The following EPHA6 variants were observed in gnomAD, a reference collection of about 807,000 sequenced individuals.
EPHA6 encodes the protein ephrin type-A receptor 6.
EPHA6 carries 50 observed loss-of-function variants against 112.0 expected under a neutral mutation model. The ratio of observed to expected loss-of-function variants is 0.45; its 90% confidence interval spans 0.36 to 0.56. The LOEUF (loss-of-function observed/expected upper bound fraction) is 0.56, where lower values mean the gene tolerates loss of function less well. EPHA6 is among the 20% of genes least tolerant of loss of function. The probability of loss-of-function intolerance (pLI) is 0.00; values close to 1 mark genes in which losing one functional copy is unlikely to be tolerated. For synonymous variants in EPHA6, 529 were observed against 490.7 expected (o/e 1.08, Z -1.03); for missense variants, 1,280 against 1,417.4 (o/e 0.90, Z 1.56).
Position 97,054,156 on chromosome 3 carries a change from ACTAT to A in EPHA6, c.1114+66167_1114+66170del, listed in dbSNP as rs199673710. Among the ~76,000 whole-genome samples, 10 of 141,290 alleles carry A rather than the reference ACTAT, an allele frequency of 7.1e-5. No homozygotes were observed. In the East Asian group the frequency reaches 2.0e-3, roughly 28 times the overall value. The allele number at this position is 141,290 out of a possible 152,430, so 92.7% of individuals were successfully genotyped here. A position where few individuals can be genotyped will look rare whatever the true frequency, so the allele number is the denominator to read the frequency against. Reference sequence around the variant, plus strand: ...AAGGAAAGCAGCAGATTCTGACATAACTATCTAACACACACACACACACACACAC... The same window carrying A: ...AAGGAAAGCAGCAGATTCTGACATAACTAACACACACACACACACACACAC... On this transcript the variant is annotated intron_variant, in intron 3 of 17. Coordinates refer to ENST00000389672, the MANE Select transcript of EPHA6 (RefSeq NM_001080448.3).
intron 1 of EPHA6, among the ~76,000 whole-genome samples, chr3:96,857,457 A>G (rs938922336): frequency 4.6e-5 from 7 of 151,666 alleles, no homozygotes; most frequent in African/African-American, 1.7e-4. Flanking sequence ...CTCCTCTGCA[A>G]TAGAGAAATA....
intron 3 of EPHA6, among the ~76,000 whole-genome samples, chr3:97,048,108 A>C (rs941235363): frequency 2.6e-5 from 4 of 152,234 alleles, no homozygotes; most frequent in Non-Finnish European, 5.9e-5. Flanking sequence ...TCAATAAAAC[A>C]AACATAACAT....
At chr3:97,190,619 TTA>T (rs1349438175) in intron 3 of EPHA6, among the ~76,000 whole-genome samples, 1 of 152,100 alleles carries the variant, frequency 6.6e-6, no homozygotes, top group African/African-American at 2.4e-5. Context: ...CAAATATAAA[TTA>T]TATATATTTA....
chr3:97,076,231 A>C (rs532547825), intron 3 of EPHA6, among the ~76,000 whole-genome samples: 1 of 152,334 alleles, frequency 6.6e-6, no homozygotes, highest in Non-Finnish European at 1.5e-5. Flanking sequence ...GTGCAGAAGT[A>C]AAGTTATTAA....
At chr3:96,898,472 G>A (rs1275901996) in intron 2 of EPHA6, among the ~76,000 whole-genome samples, 3 of 151,994 alleles carry the variant, frequency 2.0e-5, no homozygotes, top group Non-Finnish European at 4.4e-5. Flanking sequence ...GTCTGACCTG[G>A]GAGTCAAAAT....
At chr3:97,645,153 TCC>T (rs2094047218) in intron 14 of EPHA6, among the ~76,000 whole-genome samples, 1 of 151,880 alleles carries the variant, frequency 6.6e-6, no homozygotes, top group Non-Finnish European at 1.5e-5. Flanking sequence ...GACCCAGCCA[TCC>T]CATTACTAGG....
intron 12 of EPHA6, among the ~76,000 whole-genome samples, chr3:97,596,218 T>A (rs1028222056): frequency 2.0e-5 from 3 of 152,172 alleles, no homozygotes; most frequent in African/African-American, 7.2e-5. Context: ...TCAGACATAG[T>A]CTCTAAAATA....
intron 8 of EPHA6, among the ~76,000 whole-genome samples, chr3:97,479,041 G>A (rs2091454743): frequency 6.6e-6 from 1 of 152,000 alleles, no homozygotes; most frequent in African/African-American, 2.4e-5. Context: ...TGTAAGGGAT[G>A]GTTATGGCAG....
intron 9 of EPHA6, among the ~76,000 whole-genome samples, chr3:97,480,174 T>G (rs1428284691): frequency 5.3e-5 from 8 of 152,024 alleles, no homozygotes; most frequent in African/African-American, 1.4e-4. Context: ...CTTTTATTTT[T>G]TATTATTATT....
At chr3:97,421,114 C>A (rs1443734025) in intron 6 of EPHA6, among the ~76,000 whole-genome samples, 1 of 151,868 alleles carries the variant, frequency 6.6e-6, no homozygotes, top group Non-Finnish European at 1.5e-5. Flanking sequence ...CACTACTTCT[C>A]CCAAAACAAG....
intron 5 of EPHA6, among the ~76,000 whole-genome samples, chr3:97,311,005 T>G (rs2081534200): frequency 6.6e-6 from 1 of 151,570 alleles, no homozygotes; most frequent in Non-Finnish European, 1.5e-5. Flanking sequence ...GACAGCTTGA[T>G]CAACCTGATG....
At chr3:97,201,994 A>G (rs959466123) in intron 3 of EPHA6, among the ~76,000 whole-genome samples, 2 of 152,124 alleles carry the variant, frequency 1.3e-5, no homozygotes, top group African/African-American at 4.8e-5. Context: ...ATACATAACC[A>G]AACATGCTGA....
chr3:96,877,832 C>T (rs1257172484), intron 2 of EPHA6, among the ~76,000 whole-genome samples: 4 of 151,358 alleles, frequency 2.6e-5, no homozygotes, highest in Non-Finnish European at 1.5e-5. Flanking sequence ...AATGTATATG[C>T]AAATACTTCA....
In EPHA6 at chr3:97,466,329, T is replaced by C. The variant is rs1331327749; in HGVS notation, c.1895-9023T>C. 3.8e-6 allele frequency: 6 copies of C among 1,583,446 alleles called. No homozygotes were observed. In the East Asian group the frequency reaches 1.1e-4, roughly 30 times the overall value. On this transcript the variant is annotated intron_variant, in intron 7 of 17. Transcript: ENST00000389672. ...AACAATGAGAAGTAACTATACCTAG[T>C]TTGGATATATAAAGTCCTGCATCGC...
At chr3:97,642,768 C>T (rs555372285) in intron 14 of EPHA6, among the ~76,000 whole-genome samples, 17 of 151,886 alleles carry the variant, frequency 1.1e-4, no homozygotes, top group Admixed American at 2.6e-4. Context: ...TGAGCAAATC[C>T]TCCAAGAAAT....
intron 2 of EPHA6, among the ~76,000 whole-genome samples, chr3:96,904,548 G>GT (rs1215081390): frequency 6.6e-6 from 1 of 151,088 alleles, no homozygotes; most frequent in Non-Finnish European, 1.5e-5. Flanking sequence ...CATGGCACAT[G>GT]TATACATATG....
chr3:97,373,497 C>A (rs1215996908), intron 5 of EPHA6, among the ~76,000 whole-genome samples: 1 of 152,056 alleles, frequency 6.6e-6, no homozygotes, highest in Non-Finnish European at 1.5e-5. Context: ...AAGTAAGTCA[C>A]TTTAAAAGAT....
At chr3:97,508,380 T>C (rs1199974004) in intron 10 of EPHA6, among the ~76,000 whole-genome samples, 3 of 152,192 alleles carry the variant, frequency 2.0e-5, no homozygotes, top group Non-Finnish European at 4.4e-5. Flanking sequence ...TCTAATTTGT[T>C]TCAAAGAACT....
At position 97,115,865 on chromosome 3, in the gene EPHA6, T is replaced by C. The variant is rs573624396; in HGVS notation, c.1115-110399T>C. 3.3e-5 allele frequency among the ~76,000 whole-genome samples: 5 copies of C among 151,978 alleles called. No individual in the cohort carries two copies. The East Asian group carries it at 9.7e-4, about 29-fold the overall frequency. On this transcript the variant is annotated intron_variant, in intron 3 of 17. Coordinates refer to ENST00000389672, the MANE Select transcript of EPHA6 (RefSeq NM_001080448.3). The stretch of plus-strand genomic sequence containing the variant: ...ACATATATGATACGTTATTGAACCA[T>C]ATCATCATCATGTGAAAAGCACTTT...
Sources: gnomAD v4.1 joint callset for allele counts (sites outside exome capture counted in the v4.1 genomes callset) on GRCh38, gnomAD v4.1.1 for gene constraint, MANE v1.5 for transcripts, NCBI Gene and HGNC (gene_info 2026-07-23, HGNC 2026-07-21) for gene names.